The following KCNH1 variants were observed in gnomAD, a reference collection of about 807,000 sequenced individuals.
The protein encoded by KCNH1 is potassium voltage-gated channel subfamily H member 1, also known as voltage-gated delayed rectifier potassium channel KCNH1.
In KCNH1, 27 loss-of-function variants were observed where a neutral mutation model predicts 69.2. The observed-to-expected ratio is 0.39, with a 90% CI of 0.29 to 0.54. The LOEUF (loss-of-function observed/expected upper bound fraction) is 0.54, where lower values mean the gene tolerates loss of function less well. Among genes scored for constraint, KCNH1 ranks in the 20% least tolerant of loss-of-function variants. The pLI is 0.68. For missense variants in KCNH1, 798 were observed against 1,261.6 expected, an observed-to-expected ratio of 0.63 and a Z score of 5.57; for synonymous variants, 456 against 487.7, an observed-to-expected ratio of 0.93 and a Z score of 0.86.
chr1:211,018,791 C>G lies in KCNH1; in HGVS notation c.1024G>C (p.Glu342Gln). Residue 342 changes from glutamate (E) to glutamine (Q), a missense_variant, in exon 6 of 11, where the codon GAG (glutamate) becomes CAG (glutamine). By Grantham distance (29) the Glu-to-Gln change is conservative. Coordinates refer to ENST00000271751, the MANE Select transcript of KCNH1 (RefSeq NM_172362.3). ...AGATTTGAGGGATGTACCTGACTCT[C>G]TCTCCCCTCCAGTGGTGGTGGAATC... ...DQIPPPLEGR[E>Q]SQGISSLFSS... 1 of 1,603,394 alleles carries G rather than the reference C, an allele frequency of 6.2e-7. No individual in the cohort carries two copies. Among genetic ancestry groups the G allele is most frequent in the Non-Finnish European group, 8.5e-7 (1 of 1,174,256 alleles).
intron 6 of KCNH1, among the ~76,000 whole-genome samples, chr1:210,921,292 TAAAC>T (rs1195163542): frequency 6.6e-6 from 1 of 152,144 alleles, no homozygotes; most frequent in Non-Finnish European, 1.5e-5. Flanking sequence ...ACAAAGCAAA[TAAAC>T]AAGCAAATAA....
chr1:211,122,326 A>G (rs1691702854), intron 1 of KCNH1, among the ~76,000 whole-genome samples: 1 of 152,174 alleles, frequency 6.6e-6, no homozygotes, highest in Non-Finnish European at 1.5e-5. Context: ...TCAAGAAAAA[A>G]TAGATGCTGG....
intron 10 of KCNH1, among the ~76,000 whole-genome samples, chr1:210,732,677 G>A (rs1033351657): frequency 3.3e-5 from 5 of 152,210 alleles, no homozygotes; most frequent in African/African-American, 9.7e-5. Flanking sequence ...TGGAGGCTGG[G>A]AAGTCCAAAA....
chr1:210,760,680 G>A (rs1364822578), intron 10 of KCNH1, among the ~76,000 whole-genome samples: 4 of 152,190 alleles, frequency 2.6e-5, no homozygotes, highest in Non-Finnish European at 2.9e-5. Context: ...CACGATCATG[G>A]CAAAAGCCAA....
intron 1 of KCNH1, among the ~76,000 whole-genome samples, chr1:211,120,401 G>A (rs1424020357): frequency 6.6e-6 from 1 of 151,764 alleles, no homozygotes; most frequent in East Asian, 1.9e-4. Context: ...TGTTGGCCAG[G>A]CTGGTCTCAA....
chr1:210,746,855 C>A (rs118131763), intron 10 of KCNH1, among the ~76,000 whole-genome samples: 2 of 152,126 alleles, frequency 1.3e-5, no homozygotes, highest in Admixed American at 6.6e-5. Flanking sequence ...CTATTACAAC[C>A]TTTTCTTAAC....
chr1:211,013,594 A>G (rs757712036), intron 6 of KCNH1, among the ~76,000 whole-genome samples: 1 of 152,238 alleles, frequency 6.6e-6, no homozygotes, highest in Non-Finnish European at 1.5e-5. Context: ...GCACAAGCCC[A>G]GGAGTCAGGA....
chr1:210,713,561 C>T (rs963163889), intron 10 of KCNH1, among the ~76,000 whole-genome samples: 1 of 152,166 alleles, frequency 6.6e-6, no homozygotes, highest in South Asian at 2.1e-4. Context: ...GATCGTCTTC[C>T]TAATTGTTCT....
intron 9 of KCNH1, among the ~76,000 whole-genome samples, chr1:210,793,080 C>T (rs1684240270): frequency 6.6e-6 from 1 of 152,048 alleles, no homozygotes; most frequent in Admixed American, 6.6e-5. Flanking sequence ...GTGAAAATCT[C>T]GAATTTATTT....
chr1:210,848,223 T>C (rs144240692), intron 7 of KCNH1, among the ~76,000 whole-genome samples: 230 of 152,356 alleles, frequency 1.5e-3, no homozygotes, highest in African/African-American at 5.3e-3. Flanking sequence ...AATTATGTTA[T>C]TCAACATACC....
chr1:210,936,645 C>T (rs1322547333), intron 6 of KCNH1, among the ~76,000 whole-genome samples: 1 of 152,190 alleles, frequency 6.6e-6, no homozygotes, highest in East Asian at 1.9e-4. Flanking sequence ...ATCTTGCATA[C>T]CAATTTCTTG....
chr1:210,746,074 A>C (rs1683146063), intron 10 of KCNH1, among the ~76,000 whole-genome samples: 1 of 152,128 alleles, frequency 6.6e-6, no homozygotes, highest in Non-Finnish European at 1.5e-5. Flanking sequence ...GCATCCTGGG[A>C]TCTAGTTGAT....
intron 7 of KCNH1, among the ~76,000 whole-genome samples, chr1:210,834,171 C>A (rs1353235877): frequency 1.3e-5 from 2 of 152,092 alleles, no homozygotes; most frequent in South Asian, 2.1e-4. Flanking sequence ...TTGACCCAGT[C>A]ATCCCATTAC....
chr1:210,702,032 T>G (rs1681793734), intron 10 of KCNH1, among the ~76,000 whole-genome samples: 1 of 152,206 alleles, frequency 6.6e-6, no homozygotes, highest in Admixed American at 6.5e-5. Flanking sequence ...TTGGCTGAAA[T>G]TCATTTTTCT....
intron 6 of KCNH1, among the ~76,000 whole-genome samples, chr1:210,947,261 A>C (rs1315445148): frequency 6.6e-6 from 1 of 152,194 alleles, no homozygotes; most frequent in Non-Finnish European, 1.5e-5. Flanking sequence ...CTCTCGGCTG[A>C]AAAGCAAATG....
intron 5 of KCNH1, among the ~76,000 whole-genome samples, chr1:211,023,579 G>A (rs1013824344): frequency 4.0e-5 from 6 of 151,720 alleles, no homozygotes; most frequent in Admixed American, 1.3e-4. Flanking sequence ...CACATGTTCC[G>A]CTCATATATG....
At chr1:210,700,770 G>T (rs2149010692) in intron 10 of KCNH1, among the ~76,000 whole-genome samples, 1 of 152,204 alleles carries the variant, frequency 6.6e-6, no homozygotes, top group Middle Eastern at 3.4e-3. Context: ...AAAAGTAGGT[G>T]GTAGGCCAGG....
At chr1:210,871,730 G>T (rs1490335229) in intron 7 of KCNH1, among the ~76,000 whole-genome samples, 18 of 151,716 alleles carry the variant, frequency 1.2e-4, no homozygotes, top group East Asian at 7.8e-4. Context: ...CCATAAAAAA[G>T]GATGAGTTCA....
intron 9 of KCNH1, among the ~76,000 whole-genome samples, chr1:210,779,968 A>G (rs192250359): frequency 6.6e-6 from 1 of 152,306 alleles, no homozygotes; most frequent in Non-Finnish European, 1.5e-5. Flanking sequence ...AGGGAGGGGC[A>G]CAGCACAGAA....
Sources: allele counts gnomAD v4.1 joint callset (sites outside exome capture counted in the v4.1 genomes callset), GRCh38; gene constraint gnomAD v4.1.1; transcripts MANE v1.5; gene names NCBI Gene and HGNC (gene_info 2026-07-23, HGNC 2026-07-21).